Variants in HERC4 observed in about 807,000 individuals in gnomAD.
HERC4 encodes the protein probable E3 ubiquitin-protein ligase HERC4.
In HERC4, 28 loss-of-function variants were observed where a neutral mutation model predicts 124.3. The observed-to-expected ratio is 0.23, with a 90% CI of 0.17 to 0.31. The LOEUF (loss-of-function observed/expected upper bound fraction) is 0.31. Among genes scored for constraint, HERC4 ranks in the 10% least tolerant of loss-of-function variants. The probability of loss-of-function intolerance (pLI) is 1.00; values close to 1 mark genes in which losing one functional copy is unlikely to be tolerated. For missense variants in HERC4, 713 were observed against 1,229.3 expected (o/e 0.58, Z 6.28); for synonymous variants, 407 against 421.5 (o/e 0.97, Z 0.42).
At chr10:68,010,085 C>T (rs924911993) in intron 9 of HERC4, 11 of 652,802 alleles carry the variant, frequency 1.7e-5, no homozygotes, top group Admixed American at 4.6e-5. Flanking sequence ...CCTTTGTGTT[C>T]CCAATTCCTT....
chr10:68,067,431 C>T (rs897941313), intron 3 of HERC4, among the ~76,000 whole-genome samples: 6 of 152,086 alleles, frequency 3.9e-5, no homozygotes, highest in East Asian at 1.9e-4. Flanking sequence ...TTGTGAAAAC[C>T]GGGAGTTATA....
At chr10:68,025,434 T>C in intron 8 of HERC4, 112 bp downstream of exon 8, 1 of 1,211,098 alleles carries the variant, frequency 8.3e-7, no homozygotes, top group Non-Finnish European at 1.1e-6. Context: ...AATAGGTATT[T>C]GGGGGCAGAA....
intron 3 of HERC4, among the ~76,000 whole-genome samples, chr10:68,059,525 A>ATATC (rs1363368197): frequency 3.6e-5 from 4 of 110,106 alleles, no homozygotes; most frequent in Admixed American, 1.1e-4. Flanking sequence ...ATATCATAAT[A>ATATC]ATATTATATA....
chr10:68,042,047 C>T (rs994465085), intron 4 of HERC4, among the ~76,000 whole-genome samples: 21 of 152,080 alleles, frequency 1.4e-4, no homozygotes, highest in African/African-American at 2.9e-4. Context: ...GATGGAGTCT[C>T]GCTCTGTCGC....
intron 15 of HERC4, among the ~76,000 whole-genome samples, chr10:67,970,175 C>CTAAG (rs112955290): frequency 6.6e-6 from 1 of 152,230 alleles, no homozygotes; most frequent in Non-Finnish European, 1.5e-5. Flanking sequence ...TAACTCCTGA[C>CTAAG]TAAACTCAAA....
chr10:68,022,355 C>A (rs1475978025), intron 8 of HERC4, among the ~76,000 whole-genome samples: 1 of 151,970 alleles, frequency 6.6e-6, no homozygotes, highest in Admixed American at 6.6e-5. Flanking sequence ...CAAAATTAGT[C>A]GGGCAAGGTG....
At chr10:68,049,598 A>AAAC (rs1353348680) in intron 3 of HERC4, among the ~76,000 whole-genome samples, 3 of 150,062 alleles carry the variant, frequency 2.0e-5, no homozygotes, top group African/African-American at 7.4e-5. Context: ...CACAAAAAAA[A>AAAC]AAAAAAAAAA....
chr10:68,047,295 A>T (rs1474518313), intron 3 of HERC4, among the ~76,000 whole-genome samples: 2 of 152,194 alleles, frequency 1.3e-5, no homozygotes, highest in East Asian at 3.8e-4. Flanking sequence ...CCTGTGGAGA[A>T]ATGCAAATTC....
chr10:67,928,782 G>A (rs548615169), intron 23 of HERC4, among the ~76,000 whole-genome samples: 58 of 152,200 alleles, frequency 3.8e-4, no homozygotes, highest in African/African-American at 1.4e-3. Flanking sequence ...AATCAGCCGG[G>A]AATAGTGGCA....
intron 16 of HERC4, among the ~76,000 whole-genome samples, chr10:67,960,389 A>C (rs1348799076): frequency 2.6e-5 from 4 of 151,886 alleles, no homozygotes; most frequent in Non-Finnish European, 5.9e-5. Context: ...TAAAAGCCTA[A>C]AATTTTTTTT....
At position 67,988,790 on chromosome 10, in the gene HERC4, A is replaced by G. The variant is rs772847954; in HGVS notation, c.1679T>C (p.Val560Ala). ...TACCACAACTTCCTTAAAAAGTTCT[A>G]CTATCTTGAGGAATAGTGGAGGTTC... The part of the protein sequence containing the change: ...VLEPPLFLKI[V>A]ELFKEVVVHL... Residue 560 changes from valine to alanine, a missense_variant, in exon 15 of 25, where the codon GTA becomes GCA. Physicochemically the swap from Val to Ala is moderately conservative, Grantham distance 64. Coordinates refer to ENST00000373700, the MANE Select transcript of HERC4 (RefSeq NM_015601.4). 6.2e-6 allele frequency: 10 copies of G among 1,608,850 alleles called. No homozygotes were observed. The highest frequency in any genetic ancestry group is 3.3e-5 in the South Asian group (3 of 90,214).
chr10:67,934,419 C>G (rs1488393968), intron 22 of HERC4, among the ~76,000 whole-genome samples: 1 of 152,156 alleles, frequency 6.6e-6, no homozygotes, highest in African/African-American at 2.4e-5. Context: ...TCCTCTTGAT[C>G]TAACCCAAGT....
intron 4 of HERC4, chr10:68,040,316 T>TA: frequency 1.0e-6 from 1 of 968,420 alleles, no homozygotes; most frequent in South Asian, 4.8e-5. Context: ...ATTACTGTGT[T>TA]AAAGAAAAAA....
At chr10:68,013,819 A>C (rs553057640) in intron 9 of HERC4, among the ~76,000 whole-genome samples, 1 of 152,220 alleles carries the variant, frequency 6.6e-6, no homozygotes, top group African/African-American at 2.4e-5. Flanking sequence ...CACTCTCTGT[A>C]AGTAACTTTT....
chr10:68,039,152 CA>C (rs5785843), intron 4 of HERC4, among the ~76,000 whole-genome samples: 58,238 of 115,242 alleles, frequency 0.51, 13,526 homozygotes, highest in East Asian at 0.83. Flanking sequence ...ACTGAAAATA[CA>C]AAAAAAAAAA....
rs559944897 is a variant in HERC4, at chr10:68,020,885, T to C, written c.908+4661A>G. The stretch of plus-strand genomic sequence containing the variant: ...GAAGAAAAATCAGCAAACGTAAAGA[T>C]AGGACAGTTGCAATTATTGAGTCTG... On this transcript the variant is annotated intron_variant, in intron 8 of 24. Coordinates refer to ENST00000373700, the MANE Select transcript of HERC4 (RefSeq NM_015601.4). Among the ~76,000 whole-genome samples, 4 of 151,368 alleles carry C rather than the reference T, an allele frequency of 2.6e-5. No homozygotes were observed. The East Asian group carries it at 5.8e-4, about 22-fold the overall frequency.
intron 19 of HERC4, among the ~76,000 whole-genome samples, chr10:67,950,281 A>ATT (rs376523407): frequency 1.4e-5 from 2 of 143,396 alleles, no homozygotes; most frequent in African/African-American, 5.1e-5. Flanking sequence ...TACAGGGGAG[A>ATT]TTTTTTTTTT....
intron 3 of HERC4, chr10:68,069,934 C>A (rs950579235): frequency 4.6e-6 from 2 of 433,332 alleles, no homozygotes; most frequent in African/African-American, 4.3e-5. Context: ...CCCACCTACT[C>A]GGGAGGCCGA....
chr10:67,948,011 C>T (rs779501052), intron 19 of HERC4, among the ~76,000 whole-genome samples: 1 of 128,126 alleles, frequency 7.8e-6, no homozygotes, highest in East Asian at 5.3e-4. Context: ...TCTTAAACAA[C>T]CAAAAGATCA....
Sources: gnomAD v4.1 joint callset for allele counts (sites outside exome capture counted in the v4.1 genomes callset) on GRCh38, gnomAD v4.1.1 for gene constraint, MANE v1.5 for transcripts, NCBI Gene and HGNC (gene_info 2026-07-23, HGNC 2026-07-21) for gene names.